The following CEP85 variants were observed in gnomAD, a reference collection of about 807,000 sequenced individuals.
CEP85 encodes the protein centrosomal protein of 85 kDa.
Under a neutral mutation model 93.7 loss-of-function variants are expected in CEP85, and 58 were observed. The ratio of observed to expected loss-of-function variants is 0.62; its 90% CI spans 0.50 to 0.77. The LOEUF is 0.77. CEP85 is among the 30% of genes least tolerant of loss of function. CEP85 has a pLI of 0.00. For synonymous variants in CEP85, 314 were observed against 338.6 expected (o/e 0.93, Z 0.80); for missense variants, 868 against 922.0 (o/e 0.94, Z 0.76).
rs371564484 is a variant in CEP85 at position 26,268,493 on chromosome 1, G to A, written c.1352G>A (p.Arg451His). The change falls in exon 8 of 14, where the codon CGT becomes CAT. Residue 451 changes from arginine (R) to histidine (H), a missense_variant. Transcript: ENST00000451429. ...CATTTATTTTCCTAGGTCAAAGGTCGTGATAAACATATCAATAATTTGAAA... is the reference window on the plus strand; with the variant it reads ...CATTTATTTTCCTAGGTCAAAGGTCATGATAAACATATCAATAATTTGAAA... ...VKKQEERVKG[R>H]DKHINNLKKK... 2.9e-5 allele frequency: 47 copies of A among 1,614,072 alleles called. No individual in the cohort carries two copies. The highest frequency in any genetic ancestry group is 1.6e-4 in the South Asian group (15 of 91,066).
intron 3 of CEP85, among the ~76,000 whole-genome samples, chr1:26,246,601 A>T (rs2089512299): frequency 6.6e-6 from 1 of 151,876 alleles, no homozygotes. Context: ...GGGCGTGGTG[A>T]TGTATGCCTG....
chr1:26,258,894 C>T (rs1248480931), intron 6 of CEP85, among the ~76,000 whole-genome samples: 3 of 152,092 alleles, frequency 2.0e-5, no homozygotes, highest in Non-Finnish European at 4.4e-5. Context: ...TGCACCCGGG[C>T]ATTCTCATTT....
chr1:26,234,638 C>T (rs760270152), intron 1 of CEP85, among the ~76,000 whole-genome samples: 1 of 152,220 alleles, frequency 6.6e-6, no homozygotes, highest in Non-Finnish European at 1.5e-5. Flanking sequence ...TGGGAGTCGA[C>T]GTTAAGCGGG....
chr1:26,270,274 G>A (rs2089955523), intron 9 of CEP85, among the ~76,000 whole-genome samples: 1 of 152,184 alleles, frequency 6.6e-6, no homozygotes, highest in Non-Finnish European at 1.5e-5. Context: ...AGAACTGAGA[G>A]TTATCCACAG....
intron 2 of CEP85, among the ~76,000 whole-genome samples, chr1:26,242,409 G>A (rs1241595133): frequency 2.6e-5 from 4 of 152,158 alleles, no homozygotes; most frequent in Admixed American, 2.0e-4. Flanking sequence ...ATCTCATGCC[G>A]CTCAGAAACT....
chr1:26,261,733 AAAAAAAAATT>A (rs1385050157), intron 7 of CEP85, among the ~76,000 whole-genome samples: 5 of 101,278 alleles, frequency 4.9e-5, no homozygotes, highest in African/African-American at 1.8e-4. Context: ...TCTTAAAAAA[AAAAAAAAATT>A]TTTTTTTTCC....
At chr1:26,246,949 C>T (rs569656725) in intron 3 of CEP85, among the ~76,000 whole-genome samples, 10 of 152,284 alleles carry the variant, frequency 6.6e-5, no homozygotes, top group South Asian at 2.1e-4. Context: ...GGCCAAGGAC[C>T]GGTACCAGTC....
chr1:26,238,600 T>C (rs1362315893), intron 1 of CEP85, among the ~76,000 whole-genome samples: 2 of 152,192 alleles, frequency 1.3e-5, no homozygotes, highest in Non-Finnish European at 2.9e-5. Flanking sequence ...TGATGTAAAT[T>C]GCCAAGTAAT....
At chr1:26,259,850 AGCT>A (rs767743609) in intron 7 of CEP85, 48 bp downstream of exon 7, 16 of 1,493,944 alleles carry the variant, frequency 1.1e-5, no homozygotes, top group Non-Finnish European at 1.5e-5. Flanking sequence ...GTTGGCAGTC[AGCT>A]GTCTACTCTA....
In CEP85 at chr1:26,239,836, C is replaced by T. The variant is rs374311123; in HGVS notation, c.53C>T (p.Pro18Leu). Residue 18 changes from proline (P) to leucine (L), a missense_variant and splice_region_variant, in exon 2 of 14, where the codon CCG becomes CTG. Coordinates refer to ENST00000451429, the MANE Select transcript of CEP85 (RefSeq NM_001319944.2). ...PTEGISHVTS[P>L]SSDVIQKGSS... ...GAGGGGATCTCTCACGTCACTTCAC[C>T]GAGTGAGTAGTCAGAAGTTTTCTGG... is the stretch of plus-strand genomic sequence containing the variant. 61 of 1,610,706 alleles carry T rather than the reference C, an allele frequency of 3.8e-5. No homozygotes were observed. The highest frequency in any genetic ancestry group is 4.8e-5 in the Non-Finnish European group (56 of 1,177,066).
At chr1:26,236,884 C>T (rs2089334813) in intron 1 of CEP85, among the ~76,000 whole-genome samples, 1 of 152,120 alleles carries the variant, frequency 6.6e-6, no homozygotes, top group African/African-American at 2.4e-5. Flanking sequence ...TTCTGATTGG[C>T]AGTTGGTTGA....
chr1:26,263,170 A>G (rs1166578119), intron 7 of CEP85: 2 of 249,408 alleles, frequency 8.0e-6, no homozygotes, highest in South Asian at 1.2e-4. Context: ...CAAGTGCTCC[A>G]TCATGCTTTC....
chr1:26,270,270 G>A (rs2124607600), intron 9 of CEP85, among the ~76,000 whole-genome samples: 1 of 152,298 alleles, frequency 6.6e-6, no homozygotes, highest in East Asian at 1.9e-4. Context: ...GATAAGAACT[G>A]AGAGTTATCC....
chr1:26,263,991 G>C (rs1012383216), intron 7 of CEP85, among the ~76,000 whole-genome samples: 8 of 152,166 alleles, frequency 5.3e-5, no homozygotes, highest in Admixed American at 5.2e-4. Context: ...CCAGTCCCCC[G>C]TGTACACCAA....
chr1:26,240,964 A>G (rs1275777551), intron 2 of CEP85, among the ~76,000 whole-genome samples: 3 of 152,110 alleles, frequency 2.0e-5, no homozygotes, highest in Non-Finnish European at 4.4e-5. Context: ...AAACACATAA[A>G]TATATGTATG....
Position 26,277,212 on chromosome 1 carries a change from G to C in CEP85, c.2205G>C (p.Leu735=). ...IKRKLEEVQQ[L]RRDIEDLRTT... ...GGAAACTAGAAGAGGTTCAACAGCT[G>C]CGTCGTGACATTGAGGACTTAAGGA... Residue 735 remains leucine, a synonymous_variant, in exon 14 of 14, where the codon CTG becomes CTC. Coordinates refer to ENST00000451429, the MANE Select transcript of CEP85 (RefSeq NM_001319944.2). 6.2e-7 allele frequency: 1 copy of C among 1,614,126 alleles called. No homozygotes were observed. The highest frequency in any genetic ancestry group is 8.5e-7 in the Non-Finnish European group (1 of 1,179,942).
chr1:26,276,890 A>G lies in CEP85; in HGVS notation c.2128+130A>G, dbSNP rs575396307. 170 of 834,800 alleles carry G rather than the reference A, an allele frequency of 2.0e-4. 1 individual carries two copies. The South Asian group carries it at 2.9e-3, about 14-fold the overall frequency. 51.7% of individuals were successfully genotyped at this position (834,800 alleles called of 1,614,324 possible). ...CATAGTCCTGGCCACTGCCCTCTGG[A>G]CATTTATTTGTTTCACAAAGTAGGT... On this transcript the variant is annotated intron_variant, in intron 13 of 13. Coordinates refer to ENST00000451429, the MANE Select transcript of CEP85 (RefSeq NM_001319944.2).
chr1:26,238,218 T>TTTTTTTTG (rs2089360016), intron 1 of CEP85, among the ~76,000 whole-genome samples: 2 of 144,402 alleles, frequency 1.4e-5, no homozygotes, highest in African/African-American at 2.6e-5. Flanking sequence ...TTTTTTTTTT[T>TTTTTTTTG]GAGACGGAGT....
intron 11 of CEP85, 114 bp from the exon 12 acceptor site, chr1:26,274,850 T>G (rs2090029500): frequency 2.7e-6 from 2 of 740,850 alleles, no homozygotes; most frequent in East Asian, 2.8e-5. Context: ...TGATTTCTTA[T>G]GAGGGTGTAG....
Sources: gnomAD v4.1 joint callset for allele counts (sites outside exome capture counted in the v4.1 genomes callset) on GRCh38, gnomAD v4.1.1 for gene constraint, MANE v1.5 for transcripts, NCBI Gene and HGNC (gene_info 2026-07-23, HGNC 2026-07-21) for gene names.